The following SPATA17 variants were observed in gnomAD, a reference collection of about 807,000 sequenced individuals.
SPATA17 encodes spermatogenesis associated 17.
In SPATA17, 53 loss-of-function variants were observed where a neutral mutation model predicts 62.2. That is an observed-to-expected ratio of 0.85 (90% CI 0.68 to 1.07). The LOEUF is 1.07. Ranked by LOEUF, SPATA17 falls within the 50% of genes least tolerant of loss-of-function variation. The pLI is 0.00. For synonymous variants in SPATA17, 146 were observed against 146.8 expected (o/e 0.99, Z 0.04); for missense variants, 466 against 425.5 (o/e 1.10, Z -0.84).
intron 5 of SPATA17, among the ~76,000 whole-genome samples, chr1:217,697,673 C>G (rs572235894): frequency 6.6e-6 from 1 of 151,552 alleles, no homozygotes; most frequent in African/African-American, 2.4e-5. Flanking sequence ...TTTAGATTTT[C>G]TATAACTTTT....
intron 6 of SPATA17, among the ~76,000 whole-genome samples, chr1:217,749,413 A>C (rs1371564386): frequency 1.3e-5 from 2 of 152,092 alleles, no homozygotes; most frequent in Non-Finnish European, 2.9e-5. Context: ...GATTTTGAGC[A>C]TTCACATGTT....
Position 217,869,889 on chromosome 1 carries a change from A to G in SPATA17, c.*2870A>G, listed in dbSNP as rs568249619. 1 of 152,274 alleles carries G rather than the reference A, an allele frequency of 6.6e-6. No homozygotes were observed. Among genetic ancestry groups the G allele is most frequent in the Admixed American group, 6.5e-5 (1 of 15,286 alleles). The allele number at this position is 152,274 out of a possible 1,614,324, so 9.4% of individuals were successfully genotyped here. A position where few individuals can be genotyped will look rare whatever the true frequency, so the allele number is the denominator to read the frequency against. On this transcript the variant is annotated 3_prime_UTR_variant, in exon 11 of 11. Transcript: ENST00000366933. The stretch of plus-strand genomic sequence containing the variant: ...TAAAGCTTTATTTTTAGATTACAGC[A>G]TATTGCTTTTGCACTATCATAAAGT...
At chr1:217,729,594 A>G (rs1474910139) in intron 5 of SPATA17, among the ~76,000 whole-genome samples, 4 of 152,194 alleles carry the variant, frequency 2.6e-5, no homozygotes, top group African/African-American at 4.8e-5. Flanking sequence ...TATTTTCTGT[A>G]GAATCATTTT....
chr1:217,636,064 T>C (rs148237011), intron 1 of SPATA17, among the ~76,000 whole-genome samples: 3,430 of 127,172 alleles, frequency 0.027, 59 homozygotes, highest in Middle Eastern at 0.078. Flanking sequence ...ACCCTAGAGG[T>C]GGAGGTTGCA....
chr1:217,636,325 A>AATATATTAG (rs1669940035), intron 1 of SPATA17, among the ~76,000 whole-genome samples: 1 of 152,198 alleles, frequency 6.6e-6, no homozygotes, highest in Admixed American at 6.5e-5. Context: ...GACTTTGTTG[A>AATATATTAG]GAAAATATAT....
Position 217,724,337 on chromosome 1 carries a change from C to T in SPATA17, c.396-17638C>T, listed in dbSNP as rs574128202. Among the ~76,000 whole-genome samples, 7 of 152,148 alleles carry T rather than the reference C, an allele frequency of 4.6e-5. No homozygotes were observed. The South Asian group carries it at 1.0e-3, about 23-fold the overall frequency. On this transcript the variant is annotated intron_variant, in intron 5 of 10. Coordinates refer to ENST00000366933, the MANE Select transcript of SPATA17 (RefSeq NM_138796.4). ...ATATTGTCAGCCGGGTGTGGTGGCT[C>T]GGCCTTTTGGGAGGCCGAGGTGGGT...
At chr1:217,799,803 G>T (rs992101534) in intron 8 of SPATA17, among the ~76,000 whole-genome samples, 10 of 151,898 alleles carry the variant, frequency 6.6e-5, no homozygotes, top group Non-Finnish European at 1.5e-4. Context: ...AACTAAATTA[G>T]ATCATCTGTG....
intron 3 of SPATA17, among the ~76,000 whole-genome samples, chr1:217,658,625 G>A (rs1670494863): frequency 6.6e-6 from 1 of 152,070 alleles, no homozygotes. Context: ...GGGCGTGGTG[G>A]CAGGTGCCTG....
chr1:217,663,094 G>GCTTTTATA (rs1312367234), intron 3 of SPATA17, among the ~76,000 whole-genome samples: 6 of 152,120 alleles, frequency 3.9e-5, no homozygotes, highest in Non-Finnish European at 8.8e-5. Flanking sequence ...TGGTAACTGG[G>GCTTTTATA]AGAAAGAATA....
chr1:217,811,049 T>A (rs908651610), intron 9 of SPATA17, among the ~76,000 whole-genome samples: 2 of 152,118 alleles, frequency 1.3e-5, no homozygotes, highest in African/African-American at 4.8e-5. Flanking sequence ...TTATTTATTT[T>A]TTGAGACAGA....
chr1:217,858,579 G>A (rs1675830908), intron 9 of SPATA17, among the ~76,000 whole-genome samples: 1 of 152,122 alleles, frequency 6.6e-6, no homozygotes, highest in African/African-American at 2.4e-5. Context: ...CTTTTTGGAA[G>A]CTTATTTATT....
At chr1:217,838,270 C>A (rs1269778668) in intron 9 of SPATA17, among the ~76,000 whole-genome samples, 3 of 152,012 alleles carry the variant, frequency 2.0e-5, no homozygotes, top group African/African-American at 7.2e-5. Flanking sequence ...TTGATTTTAG[C>A]AGAATCTGTG....
chr1:217,699,646 T>C (rs1180348480), intron 5 of SPATA17, among the ~76,000 whole-genome samples: 1 of 152,194 alleles, frequency 6.6e-6, no homozygotes, highest in Non-Finnish European at 1.5e-5. Flanking sequence ...TTTCTTTCAA[T>C]GTGTAGCTTG....
rs142224992 is a variant in SPATA17 at position 217,737,632 on chromosome 1, A to G, written c.396-4343A>G. ...GGCTGGGGGCAGGATAACAAAACCT[A>G]CCTGGGGCAGGGCAGCTGATTTTCT... is the stretch of plus-strand genomic sequence containing the variant. On this transcript the variant is annotated intron_variant, in intron 5 of 10. Transcript: ENST00000366933. 1.9e-3 allele frequency among the ~76,000 whole-genome samples: 283 copies of G among 152,066 alleles called. 1 individual carries two copies. Among genetic ancestry groups the G allele is most frequent in the African/African-American group, 6.1e-3 (255 of 41,502 alleles).
At chr1:217,665,763 G>T (rs1029365754) in intron 3 of SPATA17, among the ~76,000 whole-genome samples, 2 of 152,108 alleles carry the variant, frequency 1.3e-5, no homozygotes, top group Non-Finnish European at 2.9e-5. Context: ...TTGAATAAGA[G>T]CCCTGTCTAA....
chr1:217,730,552 C>T (rs1034097213), intron 5 of SPATA17, among the ~76,000 whole-genome samples: 6 of 151,704 alleles, frequency 4.0e-5, no homozygotes, highest in Non-Finnish European at 8.8e-5. Flanking sequence ...TTTTCAAATA[C>T]AAAAAAGCAG....
intron 9 of SPATA17, among the ~76,000 whole-genome samples, chr1:217,813,831 T>C (rs1464226252): frequency 6.6e-6 from 1 of 152,042 alleles, no homozygotes; most frequent in Non-Finnish European, 1.5e-5. Flanking sequence ...TATATATGTA[T>C]ATGTATACTC....
chr1:217,730,604 G>GA (rs1246063425), intron 5 of SPATA17, among the ~76,000 whole-genome samples: 7 of 150,764 alleles, frequency 4.6e-5, no homozygotes, highest in Admixed American at 2.6e-4. Context: ...ATCTTTAGAG[G>GA]AAAAAAAAAT....
chr1:217,651,235 C>G, intron 3 of SPATA17, 57 bp downstream of exon 3: 1 of 1,236,506 alleles, frequency 8.1e-7, no homozygotes, highest in Non-Finnish European at 1.1e-6. Context: ...CTGTAACTTA[C>G]TCACTTTAGT....
Sources: gnomAD v4.1 joint callset for allele counts (sites outside exome capture counted in the v4.1 genomes callset) on GRCh38, gnomAD v4.1.1 for gene constraint, MANE v1.5 for transcripts, NCBI Gene and HGNC (gene_info 2026-07-23, HGNC 2026-07-21) for gene names.